The following SH2D6 variants were observed in gnomAD, a reference collection of about 807,000 sequenced individuals.
The protein encoded by SH2D6 is SH2 domain containing 6, also known as SH2 domain-containing protein 6.
SH2D6 carries 31 observed loss-of-function variants against 30.2 expected under a neutral mutation model. The ratio of observed to expected loss-of-function variants is 1.03; its 90% CI spans 0.77 to 1.38. SH2D6 has a LOEUF of 1.38. Ranked by LOEUF, SH2D6 falls within the 40% of genes most tolerant of loss-of-function variation. The pLI, the probability that SH2D6 is intolerant of heterozygous loss-of-function variation, is 0.00. For synonymous variants in SH2D6, 93 were observed against 104.6 expected (o/e 0.89, Z 0.68); for missense variants, 240 against 266.8 (o/e 0.90, Z 0.70).
In SH2D6 at chr2:85,435,768, C is replaced by T. The variant is rs1229794699; in HGVS notation, c.835C>T (p.Arg279Trp). ...RGRVFNIPIR[R>W]LDGGRHYALG... The stretch of plus-strand genomic sequence containing the variant: ...CCGGGTCTTCAACATTCCCATCCGG[C>T]GGCTGGATGGCGGACGCCACTATGC... Residue 279 changes from arginine (R) to tryptophan (W), a missense_variant, in exon 22 of 24, where the codon CGG becomes TGG. Transcript: ENST00000469800. 14 of 1,609,276 alleles carry T rather than the reference C, an allele frequency of 8.7e-6. No individual in the cohort carries two copies. The highest frequency in any genetic ancestry group is 1.3e-5 in the African/African-American group (1 of 74,868).
At chr2:85,428,562 A>G (rs1272036187) in intron 6 of SH2D6, 22 bp from the exon 7 acceptor site, 1 of 152,220 alleles carries the variant, frequency 6.6e-6, no homozygotes, top group Non-Finnish European at 1.5e-5. Flanking sequence ...AAGAGTTACC[A>G]GAACCGCCTC....
chr2:85,432,549 C>T (rs1463302030), intron 14 of SH2D6, among the ~76,000 whole-genome samples: 2 of 151,702 alleles, frequency 1.3e-5, no homozygotes, highest in Admixed American at 6.6e-5. Flanking sequence ...TACAGGCGCC[C>T]GCTACCACGC....
At position 85,422,461 on chromosome 2, in the gene SH2D6, T is replaced by A. The variant is rs1687782169; in HGVS notation, c.-433T>A. On this transcript the variant is annotated 5_prime_UTR_variant, in exon 4 of 24. Coordinates refer to ENST00000469800, the MANE Select transcript of SH2D6 (RefSeq NM_001394463.1). ...GGACACAGAATGGTCTGCCTGGGCC[T>A]CAGTCACATTGGAGGAGCAGAGAGA... 4 of 152,268 alleles carry A rather than the reference T, an allele frequency of 2.6e-5. No individual in the cohort carries two copies. The highest frequency in any genetic ancestry group is 9.7e-5 in the African/African-American group (4 of 41,448). The allele number at this position is 152,268 out of a possible 1,614,324, so 9.4% of individuals were successfully genotyped here.
At position 85,435,761 on chromosome 2, in the gene SH2D6, C is replaced by T. The variant is rs754278953; in HGVS notation, c.828C>T (p.Pro276=). Residue 276 remains proline (P), a synonymous_variant, in exon 22 of 24, where the codon CCC becomes CCT. Transcript: ENST00000469800. Reference sequence around the variant, plus strand: ...TCCGAGGCCGGGTCTTCAACATTCCCATCCGGCGGCTGGATGGCGGACGCC... The same window carrying T: ...TCCGAGGCCGGGTCTTCAACATTCCTATCCGGCGGCTGGATGGCGGACGCC... ...VLLRGRVFNI[P]IRRLDGGRHY... 4.3e-6 allele frequency: 7 copies of T among 1,610,402 alleles called. No homozygotes were observed. The highest frequency in any genetic ancestry group is 5.9e-6 in the Non-Finnish European group (7 of 1,178,512).
At chr2:85,419,534 G>C (rs766042123) in intron 2 of SH2D6, among the ~76,000 whole-genome samples, 1 of 152,196 alleles carries the variant, frequency 6.6e-6, no homozygotes, top group African/African-American at 2.4e-5. Context: ...CTTCTCAGCT[G>C]ATTTCTGGCT....
Position 85,436,612 on chromosome 2 carries a change from C to A in SH2D6, c.*12+18C>A, listed in dbSNP as rs767115995. 1 of 1,588,578 alleles carries A rather than the reference C, an allele frequency of 6.3e-7. No homozygotes were observed. The highest frequency in any genetic ancestry group is 1.1e-5 in the South Asian group (1 of 90,494). On this transcript the variant is annotated intron_variant, in intron 23 of 23. Transcript: ENST00000469800. Reference sequence around the variant, plus strand: ...ACAGCGAAGTACACACCGCCTTTGGCCCCAGTTTGCTTCTTGTCCCGCCCC... The same window carrying A: ...ACAGCGAAGTACACACCGCCTTTGGACCCAGTTTGCTTCTTGTCCCGCCCC...
intron 19 of SH2D6, 54 bp from the exon 20 acceptor site, chr2:85,435,011 G>GCCCCCCCCCCCCCCCC: frequency 1.1e-6 from 1 of 932,146 alleles, no homozygotes; most frequent in Non-Finnish European, 1.4e-6. Flanking sequence ...AGCCACCTTT[G>GCCCCCCCCCCCCCCCC]CCCACCCCCA....
In SH2D6 at chr2:85,430,961, G is replaced by A. The variant is rs1026853965; in HGVS notation, c.251-249G>A. 4.6e-5 allele frequency among the ~76,000 whole-genome samples: 7 copies of A among 152,190 alleles called. No homozygotes were observed. The highest frequency in any genetic ancestry group is 1.7e-4 in the African/African-American group (7 of 41,446). On this transcript the variant is annotated intron_variant, in intron 12 of 23. Coordinates refer to ENST00000469800, the MANE Select transcript of SH2D6 (RefSeq NM_001394463.1). This position sits in a 1 kb window ranked among gnomAD's most constrained non-coding sequence, Gnocchi z 4.3. ...AGATCCCAACACTTCTTCAGGCCAAGGGCGGGGGTGCTGGGAGAGCCCCGG... is the reference window on the plus strand; with the variant it reads ...AGATCCCAACACTTCTTCAGGCCAAAGGCGGGGGTGCTGGGAGAGCCCCGG...
At chr2:85,423,100 C>T (rs553456222) in intron 5 of SH2D6, among the ~76,000 whole-genome samples, 1 of 152,358 alleles carries the variant, frequency 6.6e-6, no homozygotes, top group Non-Finnish European at 1.5e-5. Flanking sequence ...GTTGGCCAGG[C>T]TGGTCTCGAA....
rs1687786892 is a variant in SH2D6, at chr2:85,422,646, G to A, written c.-353G>A. On this transcript the variant is annotated 5_prime_UTR_variant, in exon 5 of 24. Coordinates refer to ENST00000469800, the MANE Select transcript of SH2D6 (RefSeq NM_001394463.1). ...TTTAGGCAGAGCCGTGACACAACCA[G>A]AGATACTACGAGCAAAGGTTCCGGA... is the stretch of plus-strand genomic sequence containing the variant. 6.6e-6 allele frequency: 1 copy of A among 152,490 alleles called. No homozygotes were observed. The highest frequency in any genetic ancestry group is 2.1e-4 in the South Asian group (1 of 4,834). The allele number at this position is 152,490 out of a possible 1,614,324, so 9.4% of individuals were successfully genotyped here. A position where few individuals can be genotyped will look rare whatever the true frequency, so the allele number is the denominator to read the frequency against.
Position 85,435,456 on chromosome 2 carries a change from A to T in SH2D6, c.692A>T (p.Asp231Val). 6.2e-7 allele frequency: 1 copy of T among 1,613,902 alleles called. No individual in the cohort carries two copies. Among genetic ancestry groups the T allele is most frequent in the Non-Finnish European group, 8.5e-7 (1 of 1,179,992 alleles). ...LTQPWYSGNC[D>V]RYAVESALLH... is the part of the protein sequence containing the mutation. The stretch of plus-strand genomic sequence containing the variant: ...CAGCCTTGGTACTCGGGGAACTGTG[A>T]CCGCTATGCTGTTGAGAGTGCCCTG... The change falls in exon 21 of 24, where the codon GAC (aspartate) becomes GTC (valine). Residue 231 changes from aspartate to valine, a missense_variant. Asp to Val is a radical substitution (Grantham distance 152). Coordinates refer to ENST00000469800, the MANE Select transcript of SH2D6 (RefSeq NM_001394463.1).
rs998924264 is a variant in SH2D6 at position 85,430,206 on chromosome 2, G to C, written c.65-158G>C. Among the ~76,000 whole-genome samples the C allele has an allele frequency of 6.6e-6, 1 of 152,204 alleles. No individual in the cohort carries two copies. Among genetic ancestry groups the C allele is most frequent in the Middle Eastern group, 3.2e-3 (1 of 316 alleles). ...ACAGGGGATGGGCATAGGTGGAAGG[G>C]CCCCTTGTTTCCAGACTGCCTACCT... On this transcript the variant is annotated intron_variant, in intron 10 of 23. Coordinates refer to ENST00000469800, the MANE Select transcript of SH2D6 (RefSeq NM_001394463.1). The surrounding 1 kb of genome is among the most constrained non-coding windows in gnomAD (Gnocchi z 4.3).
chr2:85,436,331 G>T lies in SH2D6; in HGVS notation c.892-135G>T, dbSNP rs552127618. 2.0e-5 allele frequency: 13 copies of T among 666,324 alleles called. No individual in the cohort carries two copies. The African/African-American group carries it at 2.3e-4, about 12-fold the overall frequency. 41.3% of individuals were successfully genotyped at this position (666,324 alleles called of 1,614,324 possible). On this transcript the variant is annotated intron_variant, in intron 22 of 23. Coordinates refer to ENST00000469800, the MANE Select transcript of SH2D6 (RefSeq NM_001394463.1). ...CGGGGCAGCAAAATGGCAGTGGAGC[G>T]GCATGGGGCAAACAGGAAGGAAGAT...
intron 2 of SH2D6, among the ~76,000 whole-genome samples, chr2:85,419,552 G>A (rs374977065): frequency 2.6e-4 from 39 of 152,256 alleles, no homozygotes; most frequent in Admixed American, 7.8e-4. Flanking sequence ...GCTCCCAAGC[G>A]GGAGACTCAG....
chr2:85,431,460 C>T (rs73943206), intron 13 of SH2D6, among the ~76,000 whole-genome samples, 192 bp downstream of exon 13: 4,597 of 152,270 alleles, frequency 0.03, 231 homozygotes, highest in African/African-American at 0.1. Flanking sequence ...TCCTCCAACT[C>T]GCCTGGCCTG....
At chr2:85,434,636 CTAGGTGAATGCAGGCATCTT>C in intron 19 of SH2D6, 139 bp downstream of exon 19, 1 of 920,686 alleles carries the variant, frequency 1.1e-6, no homozygotes, top group East Asian at 2.8e-5. Flanking sequence ...AAAAAAAAAA[CTAGGTGAATGCAGGCATCTT>C]CAGCATGAAT....
chr2:85,433,870 C>T (rs1689066540), intron 16 of SH2D6, among the ~76,000 whole-genome samples, 163 bp from the exon 17 acceptor site: 1 of 152,258 alleles, frequency 6.6e-6, no homozygotes, highest in Non-Finnish European at 1.5e-5. Flanking sequence ...GGCTCCCCAG[C>T]TGCTGCGGCC....
intron 20 of SH2D6, 88 bp from the exon 21 acceptor site, chr2:85,435,325 A>C: frequency 7.0e-7 from 1 of 1,433,992 alleles, no homozygotes; most frequent in Admixed American, 1.8e-5. Context: ...AGGAGATGGG[A>C]ACATAAATAA....
chr2:85,432,494 G>A (rs1471623011), intron 14 of SH2D6, among the ~76,000 whole-genome samples: 16 of 151,624 alleles, frequency 1.1e-4, no homozygotes, highest in Admixed American at 1.0e-3. Flanking sequence ...CCGCCCCCTG[G>A]GGTTCACGCC....
Sources: gnomAD v4.1 joint callset for allele counts (sites outside exome capture counted in the v4.1 genomes callset) on GRCh38, gnomAD v4.1.1 for gene constraint, Gnocchi (gnomAD v3.1) non-coding constraint, MANE v1.5 for transcripts, NCBI Gene and HGNC (gene_info 2026-07-23, HGNC 2026-07-21) for gene names.